The following RBM47 variants were observed in gnomAD, a reference collection of about 807,000 sequenced individuals.
The protein encoded by RBM47 is RNA-binding protein 47.
In RBM47, 21 loss-of-function variants were observed where a neutral mutation model predicts 47.1. The observed-to-expected ratio is 0.45, with a 90% CI of 0.32 to 0.64. The LOEUF is 0.64. Among genes scored for constraint, RBM47 ranks in the 30% least tolerant of loss-of-function variants. The pLI is 0.05. For synonymous variants in RBM47, 375 were observed against 361.7 expected (o/e 1.04, Z -0.42); for missense variants, 708 against 870.9 (o/e 0.81, Z 2.35).
At chr4:40,516,257 C>CTT (rs767407385) in intron 2 of RBM47, among the ~76,000 whole-genome samples, 9 of 140,538 alleles carry the variant, frequency 6.4e-5, no homozygotes, top group African/African-American at 2.4e-4. Flanking sequence ...TTTTTCTTTT[C>CTT]TTTCTTTTTT....
chr4:40,441,145 C>T (rs1309294755), intron 3 of RBM47, among the ~76,000 whole-genome samples: 1 of 151,224 alleles, frequency 6.6e-6, no homozygotes, highest in Non-Finnish European at 1.5e-5. Context: ...GATGGAGGGC[C>T]AGGCAGAGTG....
intron 2 of RBM47, among the ~76,000 whole-genome samples, chr4:40,533,456 A>G (rs80180939): frequency 6.6e-6 from 1 of 151,720 alleles, no homozygotes; most frequent in Non-Finnish European, 1.5e-5. Flanking sequence ...AAAAAAAAGA[A>G]GAAGGGAAAA....
Position 40,433,274 on chromosome 4 carries a change from A to T in RBM47, c.1331-412T>A, listed in dbSNP as rs114359603. Among the ~76,000 whole-genome samples, 447 of 152,134 alleles carry T rather than the reference A, an allele frequency of 2.9e-3. 3 individuals are homozygous for T. Among genetic ancestry groups the T allele is most frequent in the African/African-American group, 0.01 (431 of 41,526 alleles). On this transcript the variant is annotated intron_variant, in intron 5 of 6. Coordinates refer to ENST00000295971, the MANE Select transcript of RBM47 (RefSeq NM_001098634.2). Reference sequence around the variant, plus strand: ...CCGCGCCCAGCCTAAGATATTTTTTAAAACCACGTTTAGAGGTCCTGGGCC... The same window carrying T: ...CCGCGCCCAGCCTAAGATATTTTTTTAAACCACGTTTAGAGGTCCTGGGCC...
chr4:40,582,490 T>C (rs1349799191), intron 1 of RBM47, among the ~76,000 whole-genome samples: 1 of 152,092 alleles, frequency 6.6e-6, no homozygotes, highest in Non-Finnish European at 1.5e-5. Flanking sequence ...GCCGAGATTA[T>C]GCCACTGTAC....
chr4:40,489,797 T>A (rs1389698400), intron 2 of RBM47, among the ~76,000 whole-genome samples: 2 of 152,184 alleles, frequency 1.3e-5, no homozygotes, highest in Admixed American at 1.3e-4. Flanking sequence ...CAGAAGGGAC[T>A]AGAACACTTC....
At chr4:40,559,614 T>G (rs905951531) in intron 1 of RBM47, among the ~76,000 whole-genome samples, 6 of 152,134 alleles carry the variant, frequency 3.9e-5, no homozygotes, top group African/African-American at 9.7e-5. Flanking sequence ...AACACCAGGG[T>G]AGAGAAAATC....
intron 2 of RBM47, among the ~76,000 whole-genome samples, chr4:40,532,522 A>G (rs556494237): frequency 1.3e-5 from 2 of 151,126 alleles, no homozygotes; most frequent in Non-Finnish European, 3.0e-5. Context: ...CATGTTGGCC[A>G]GGATGGTCTT....
At chr4:40,499,713 T>A (rs147547520) in intron 2 of RBM47, among the ~76,000 whole-genome samples, 1 of 152,230 alleles carries the variant, frequency 6.6e-6, no homozygotes, top group African/African-American at 2.4e-5. Flanking sequence ...CAGCCTGTTA[T>A]TAGAATTTAA....
At chr4:40,554,980 G>C (rs893230895) in intron 1 of RBM47, among the ~76,000 whole-genome samples, 2 of 152,080 alleles carry the variant, frequency 1.3e-5, no homozygotes, top group African/African-American at 4.8e-5. Flanking sequence ...TTGTTGCCCA[G>C]GCTGCAGTGC....
rs1737931216 is a variant in RBM47, at chr4:40,628,389, G to A, written c.-240+1007C>T. Among the ~76,000 whole-genome samples, 1 of 152,156 alleles carries A rather than the reference G, an allele frequency of 6.6e-6. No homozygotes were observed. The highest frequency in any genetic ancestry group is 6.5e-5 in the Admixed American group (1 of 15,274). ...AAAGTGATCTCTTCTTATGCTCTAG[G>A]TTGAGTACTTTGGTTTATCTAGAGG... On this transcript the variant is annotated intron_variant, in intron 1 of 6. Coordinates refer to ENST00000295971, the MANE Select transcript of RBM47 (RefSeq NM_001098634.2). This position sits in a 1 kb window ranked among gnomAD's most constrained non-coding sequence, Gnocchi z 4.0.
At chr4:40,593,409 C>G (rs989531710) in intron 1 of RBM47, among the ~76,000 whole-genome samples, 2 of 152,218 alleles carry the variant, frequency 1.3e-5, no homozygotes, top group Non-Finnish European at 2.9e-5. Flanking sequence ...AGGGAGGCCC[C>G]TGGAAGATCG....
chr4:40,569,663 C>A (rs1274525183), intron 1 of RBM47, among the ~76,000 whole-genome samples: 1 of 151,522 alleles, frequency 6.6e-6, no homozygotes, highest in Non-Finnish European at 1.5e-5. Flanking sequence ...CCCGCCTTGG[C>A]CTCCCAAAGT....
chr4:40,529,834 T>TAATAAATA lies in RBM47; in HGVS notation c.-155+14580_-155+14587dup, dbSNP rs200058463. Among the ~76,000 whole-genome samples the TAATAAATA allele has an allele frequency of 4.0e-3, 543 of 137,348 alleles. 1 individual carries two copies. The highest frequency in any genetic ancestry group is 6.8e-3 in the South Asian group (30 of 4,422). The allele number at this position is 137,348 out of a possible 152,430, so 90.1% of individuals were successfully genotyped here. A position where few individuals can be genotyped will look rare whatever the true frequency, so the allele number is the denominator to read the frequency against. The stretch of plus-strand genomic sequence containing the variant: ...ACAAAGCGAGACTCCATCTAAAAAA[T>TAATAAATA]AATAAATAAATAAATAAATAAATAA... On this transcript the variant is annotated intron_variant, in intron 2 of 6. Coordinates refer to ENST00000295971, the MANE Select transcript of RBM47 (RefSeq NM_001098634.2).
intron 5 of RBM47, among the ~76,000 whole-genome samples, chr4:40,436,154 A>G (rs1238776649): frequency 6.6e-6 from 1 of 150,532 alleles, no homozygotes; most frequent in Non-Finnish European, 1.5e-5. Context: ...CCTGGGCGAC[A>G]GAGCGAGACT....
At chr4:40,545,759 G>A (rs2154262939) in intron 1 of RBM47, among the ~76,000 whole-genome samples, 1 of 151,070 alleles carries the variant, frequency 6.6e-6, no homozygotes, top group Middle Eastern at 3.4e-3. Flanking sequence ...TAACAGGGAG[G>A]GGAAGCTCAC....
intron 1 of RBM47, among the ~76,000 whole-genome samples, chr4:40,603,443 T>C (rs928405689): frequency 4.6e-5 from 7 of 152,216 alleles, no homozygotes; most frequent in Non-Finnish European, 8.8e-5. Flanking sequence ...AACATATGTA[T>C]AAATTTCTGT....
In RBM47 at chr4:40,512,295, G is replaced by A. The variant is rs140811013; in HGVS notation, c.-155+32127C>T. 7.0e-3 allele frequency among the ~76,000 whole-genome samples: 1,046 copies of A among 150,300 alleles called. 13 individuals carry two copies. Among genetic ancestry groups the A allele is most frequent in the African/African-American group, 0.025 (1,009 of 40,876 alleles). On this transcript the variant is annotated intron_variant, in intron 2 of 6. Coordinates refer to ENST00000295971, the MANE Select transcript of RBM47 (RefSeq NM_001098634.2). ...AAATTAGCCGGGCATGATGGTGGGC[G>A]CCCAGCTACTTGGGAGGCTGAGGCA...
rs1052399725 is a variant in RBM47, at chr4:40,424,888, T to C, written c.*1016A>G. On this transcript the variant is annotated 3_prime_UTR_variant, in exon 7 of 7. Transcript: ENST00000295971. Reference sequence around the variant, plus strand: ...TTTACATTGGGCAATTAAATAGCTATGCAAAGGTGTCTTATGCAACTCGAT... The same window carrying C: ...TTTACATTGGGCAATTAAATAGCTACGCAAAGGTGTCTTATGCAACTCGAT... 24 of 152,098 alleles carry C rather than the reference T, an allele frequency of 1.6e-4. No individual in the cohort carries two copies. The highest frequency in any genetic ancestry group is 5.3e-4 in the African/African-American group (22 of 41,410). The allele number at this position is 152,098 out of a possible 1,614,324, so 9.4% of individuals were successfully genotyped here.
chr4:40,607,955 A>C (rs1735912141), intron 1 of RBM47, among the ~76,000 whole-genome samples: 1 of 151,978 alleles, frequency 6.6e-6, no homozygotes, highest in Non-Finnish European at 1.5e-5. Context: ...AATACAAAAA[A>C]TTGGCCAGGC....
Sources: allele counts gnomAD v4.1 joint callset (sites outside exome capture counted in the v4.1 genomes callset), GRCh38; gene constraint gnomAD v4.1.1; non-coding constraint Gnocchi (gnomAD v3.1); transcripts MANE v1.5; gene names NCBI Gene and HGNC (gene_info 2026-07-23, HGNC 2026-07-21).